The following TGM6 variants were observed in gnomAD, a reference collection of about 807,000 sequenced individuals.
TGM6 encodes protein-glutamine gamma-glutamyltransferase 6.
TGM6 carries 74 observed loss-of-function variants against 77.5 expected under a neutral mutation model. The observed-to-expected ratio is 0.96, with a 90% confidence interval of 0.79 to 1.16. The LOEUF is 1.16. TGM6 is among the 50% of genes most tolerant of loss of function. The pLI, the probability that TGM6 is intolerant of heterozygous loss-of-function variation, is 0.00. For missense variants in TGM6, 968 were observed against 940.2 expected (o/e 1.03, Z -0.39); for synonymous variants, 383 against 378.9 (o/e 1.01, Z -0.12).
intron 10 of TGM6, among the ~76,000 whole-genome samples, chr20:2,420,360 A>G (rs1256543891): frequency 1.3e-5 from 2 of 152,172 alleles, no homozygotes; most frequent in Non-Finnish European, 2.9e-5. Flanking sequence ...GAAAACTTTG[A>G]GTGGGAAGTA....
At chr20:2,391,506 G>T (rs575914021) in intron 1 of TGM6, among the ~76,000 whole-genome samples, 5 of 152,074 alleles carry the variant, frequency 3.3e-5, no homozygotes, top group African/African-American at 7.2e-5. Flanking sequence ...GTGAGGGGGT[G>T]GGGGGTGAGC....
chr20:2,432,717 G>C lies in TGM6; in HGVS notation c.*74G>C. The C allele has an allele frequency of 6.2e-7, 1 of 1,607,796 alleles. No homozygotes were observed. Among genetic ancestry groups the C allele is most frequent in the Non-Finnish European group, 8.5e-7 (1 of 1,175,934 alleles). ...TGCCCATTCTTTGTCTCTTCCACAT[G>C]GGAGCCAGGAGGCCTCAGTTAATCC... On this transcript the variant is annotated 3_prime_UTR_variant, in exon 13 of 13. Coordinates refer to ENST00000202625, the MANE Select transcript of TGM6 (RefSeq NM_198994.3).
intron 1 of TGM6, among the ~76,000 whole-genome samples, chr20:2,385,544 T>A (rs948583784): frequency 1.3e-5 from 2 of 152,082 alleles, no homozygotes; most frequent in African/African-American, 4.8e-5. Context: ...GGGTGGTCAG[T>A]GGCCAGTCTG....
At position 2,417,568 on chromosome 20, in the gene TGM6, A is replaced by C; in HGVS notation, c.1673A>C (p.Gln558Pro). The C allele has an allele frequency of 6.2e-7, 1 of 1,600,070 alleles. No individual in the cohort carries two copies. Among genetic ancestry groups the C allele is most frequent in the Non-Finnish European group, 8.5e-7 (1 of 1,179,320 alleles). Residue 558 changes from glutamine (Q) to proline (P), a missense_variant, in exon 10 of 13, where the codon CAA becomes CCA. Gln to Pro is a moderately conservative substitution (Grantham distance 76). Coordinates refer to ENST00000202625, the MANE Select transcript of TGM6 (RefSeq NM_198994.3). ...HESHAVRLGP[Q>P]EEKRIPITIS... is the part of the protein sequence containing the mutation. ...TCCCACGCCGTGAGGCTGGGGCCGC[A>C]AGAAGGTAAGTGTACGCTGGCTTGG... is the stretch of plus-strand genomic sequence containing the variant.
At chr20:2,418,781 T>A (rs1037275371) in intron 10 of TGM6, among the ~76,000 whole-genome samples, 1 of 152,242 alleles carries the variant, frequency 6.6e-6, no homozygotes, top group Non-Finnish European at 1.5e-5. Flanking sequence ...ACTGTTTCTT[T>A]AAAAATATAT....
rs764377731 is a variant in TGM6, at chr20:2,417,396, G to A, written c.1501G>A (p.Val501Met). Residue 501 changes from valine (V) to methionine (M), a missense_variant, in exon 10 of 13, where the codon GTG becomes ATG. Physicochemically the swap from Val to Met is conservative, Grantham distance 21. Coordinates refer to ENST00000202625, the MANE Select transcript of TGM6 (RefSeq NM_198994.3). ...GCCCAGCATCGCTGGCAAGTTCAAGGTGCTAGAGCCTCCCATGCTGGGCCA... is the reference window on the plus strand; with the variant it reads ...GCCCAGCATCGCTGGCAAGTTCAAGATGCTAGAGCCTCCCATGCTGGGCCA... ...TKPSIAGKFK[V>M]LEPPMLGHDL... The A allele has an allele frequency of 9.9e-6, 16 of 1,613,662 alleles. No individual in the cohort carries two copies. The highest frequency in any genetic ancestry group is 3.3e-4 in the Middle Eastern group (2 of 6,062).
chr20:2,382,014 G>C (rs539037767), intron 1 of TGM6, among the ~76,000 whole-genome samples: 1 of 152,102 alleles, frequency 6.6e-6, no homozygotes, highest in Non-Finnish European at 1.5e-5. Context: ...GCTGGGGCCC[G>C]GTAATGAGCA....
chr20:2,406,286 G>A (rs994333051), intron 9 of TGM6, among the ~76,000 whole-genome samples: 38 of 152,164 alleles, frequency 2.5e-4, no homozygotes, highest in Middle Eastern at 3.4e-3. Context: ...AACTTAGAAC[G>A]TGGGGTCTAG....
At chr20:2,408,164 G>C (rs898897650) in intron 9 of TGM6, among the ~76,000 whole-genome samples, 1 of 152,122 alleles carries the variant, frequency 6.6e-6, no homozygotes, top group African/African-American at 2.4e-5. Flanking sequence ...AGACATCCTT[G>C]ACTTGCATGA....
chr20:2,425,735 A>T (rs923455247), intron 10 of TGM6, among the ~76,000 whole-genome samples: 4 of 152,332 alleles, frequency 2.6e-5, no homozygotes, highest in Middle Eastern at 6.8e-3. Context: ...TAATTGATAT[A>T]TATTAGTAAT....
At chr20:2,381,911 C>T (rs2084557601) in intron 1 of TGM6, among the ~76,000 whole-genome samples, 1 of 151,730 alleles carries the variant, frequency 6.6e-6, no homozygotes, top group African/African-American at 2.4e-5. Context: ...GAGTGAGACC[C>T]TGTCTCAAAA....
In TGM6 at chr20:2,430,440, T is replaced by G. The variant is rs538272932; in HGVS notation, c.1679-6T>G. On this transcript the variant is annotated splice_region_variant and splice_polypyrimidine_tract_variant and intron_variant, in intron 10 of 12. Coordinates refer to ENST00000202625, the MANE Select transcript of TGM6 (RefSeq NM_198994.3). The stretch of plus-strand genomic sequence containing the variant: ...CCCCAACTCCCACTTCTGCTTTCCC[T>G]TCCAGAGAAGAGAATCCCAATTACA... The G allele has an allele frequency of 6.2e-7, 1 of 1,614,214 alleles. No individual in the cohort carries two copies. Among genetic ancestry groups the G allele is most frequent in the South Asian group, 1.1e-5 (1 of 91,086 alleles).
chr20:2,389,747 T>C (rs2084618448), intron 1 of TGM6, among the ~76,000 whole-genome samples: 1 of 152,176 alleles, frequency 6.6e-6, no homozygotes, highest in South Asian at 2.1e-4. Context: ...GAAGACATGA[T>C]GAAGTGATCA....
chr20:2,387,859 T>C (rs1375348313), intron 1 of TGM6, among the ~76,000 whole-genome samples: 4 of 152,236 alleles, frequency 2.6e-5, no homozygotes, highest in Non-Finnish European at 4.4e-5. Context: ...ACTTGCCAGA[T>C]GGCTCAGTCC....
At chr20:2,432,355 A>C in intron 12 of TGM6, 135 bp from the exon 13 acceptor site, 2 of 1,162,318 alleles carry the variant, frequency 1.7e-6, no homozygotes, top group Non-Finnish European at 2.5e-6. Flanking sequence ...GCCTGCAAAC[A>C]TGTTGATAAG....
intron 10 of TGM6, among the ~76,000 whole-genome samples, chr20:2,418,529 C>G (rs6114121): frequency 6.6e-6 from 1 of 151,976 alleles, no homozygotes; most frequent in Non-Finnish European, 1.5e-5. Context: ...CACTCCTGAC[C>G]AAGACCAGGA....
chr20:2,395,379 A>G lies in TGM6; in HGVS notation c.367A>G (p.Lys123Glu). Residue 123 changes from lysine to glutamate, a missense_variant, in exon 3 of 13, where the codon AAA becomes GAA. Lys to Glu is a moderately conservative substitution (Grantham distance 56, BLOSUM62 1). Coordinates refer to ENST00000202625, the MANE Select transcript of TGM6 (RefSeq NM_198994.3). ...GAGCATCAGGCTTTCCTCTCACCGC[A>G]AACACAGCAACCGGAGGCTGGGCGA... The part of the protein sequence containing the change: ...LLSIRLSSHR[K>E]HSNRRLGEFV... 1 of 1,614,246 alleles carries G rather than the reference A, an allele frequency of 6.2e-7. No individual in the cohort carries two copies. The highest frequency in any genetic ancestry group is 8.5e-7 in the Non-Finnish European group (1 of 1,180,044).
At chr20:2,432,357 G>A in intron 12 of TGM6, 133 bp from the exon 13 acceptor site, 1 of 1,184,918 alleles carries the variant, frequency 8.4e-7, no homozygotes, top group Non-Finnish European at 1.2e-6. Context: ...CTGCAAACAT[G>A]TTGATAAGGC....
chr20:2,416,512 T>C (rs1172115941), intron 9 of TGM6, among the ~76,000 whole-genome samples: 4 of 152,244 alleles, frequency 2.6e-5, no homozygotes, highest in Non-Finnish European at 5.9e-5. Context: ...ATATTTATAC[T>C]CAGTTTTAAT....
Sources: gnomAD v4.1 joint callset for allele counts (sites outside exome capture counted in the v4.1 genomes callset) on GRCh38, gnomAD v4.1.1 for gene constraint, MANE v1.5 for transcripts, NCBI Gene and HGNC (gene_info 2026-07-23, HGNC 2026-07-21) for gene names.